Variants in MDGA2 observed in about 807,000 individuals in gnomAD.
MDGA2 encodes MAM domain containing glycosylphosphatidylinositol anchor 2.
MDGA2 carries 40 observed loss-of-function variants against 117.8 expected under a neutral mutation model. The observed-to-expected ratio is 0.34, with a 90% CI of 0.26 to 0.44. MDGA2 has a LOEUF of 0.44. Ranked by LOEUF, MDGA2 falls within the 20% of genes least tolerant of loss-of-function variation. MDGA2 has a pLI of 1.00. For synonymous variants in MDGA2, 452 were observed against 439.0 expected, an observed-to-expected ratio of 1.03 and a Z score of -0.37; for missense variants, 1,123 against 1,250.6, an observed-to-expected ratio of 0.90 and a Z score of 1.54.
intron 1 of MDGA2, among the ~76,000 whole-genome samples, chr14:47,601,965 C>A (rs1265019615): frequency 6.6e-6 from 1 of 152,114 alleles, no homozygotes; most frequent in Non-Finnish European, 1.5e-5. Context: ...TTCCTGGAGT[C>A]GCTATGCACT....
At chr14:47,379,712 AT>A (rs1397849573) in intron 1 of MDGA2, among the ~76,000 whole-genome samples, 1 of 152,180 alleles carries the variant, frequency 6.6e-6, no homozygotes, top group Non-Finnish European at 1.5e-5. Context: ...GAGCACCCAG[AT>A]TCATAAAGCA....
intron 1 of MDGA2, among the ~76,000 whole-genome samples, chr14:47,425,387 A>G (rs892777100): frequency 1.3e-5 from 2 of 152,172 alleles, no homozygotes; most frequent in South Asian, 4.1e-4. Context: ...ACAAACAGTT[A>G]CCTAAATGCA....
chr14:47,252,126 T>A (rs1037722146), intron 2 of MDGA2, among the ~76,000 whole-genome samples: 1 of 152,136 alleles, frequency 6.6e-6, no homozygotes, highest in Non-Finnish European at 1.5e-5. Context: ...GGTCACTTTT[T>A]ACTTTATCAG....
chr14:47,446,815 G>A (rs1893133566), intron 1 of MDGA2, among the ~76,000 whole-genome samples: 1 of 152,036 alleles, frequency 6.6e-6, no homozygotes, highest in African/African-American at 2.4e-5. Flanking sequence ...GGAGATCAGA[G>A]AGCACCCACT....
At chr14:46,936,541 A>G (rs1884788487) in intron 9 of MDGA2, among the ~76,000 whole-genome samples, 1 of 152,068 alleles carries the variant, frequency 6.6e-6, no homozygotes, top group Non-Finnish European at 1.5e-5. Flanking sequence ...TCTCACTTAC[A>G]ATATATTAGA....
At chr14:47,451,673 AC>A (rs1159613321) in intron 1 of MDGA2, among the ~76,000 whole-genome samples, 1 of 152,150 alleles carries the variant, frequency 6.6e-6, no homozygotes, top group African/African-American at 2.4e-5. Flanking sequence ...TTTGTTAACT[AC>A]ATAGGGATAA....
At chr14:46,968,106 C>T (rs764155682) in intron 8 of MDGA2, among the ~76,000 whole-genome samples, 19 of 152,290 alleles carry the variant, frequency 1.2e-4, no homozygotes, top group Admixed American at 5.9e-4. Context: ...CTGTGACCTG[C>T]CCTGGGGCTA....
At chr14:47,497,967 T>A (rs570210728) in intron 1 of MDGA2, among the ~76,000 whole-genome samples, 20 of 152,292 alleles carry the variant, frequency 1.3e-4, no homozygotes, top group Admixed American at 5.2e-4. Flanking sequence ...ATGTCTGAAA[T>A]GTTAACATAA....
chr14:47,642,381 A>G (rs1594958624), intron 1 of MDGA2, among the ~76,000 whole-genome samples: 1 of 152,218 alleles, frequency 6.6e-6, no homozygotes, highest in South Asian at 2.1e-4. Context: ...TTTTAAGACA[A>G]TAAAGTGAGC....
chr14:46,873,506 G>A lies in MDGA2; in HGVS notation c.2679C>T (p.Pro893=). 2 of 1,612,610 alleles carry A rather than the reference G, an allele frequency of 1.2e-6. No individual in the cohort carries two copies. Among genetic ancestry groups the A allele is most frequent in the Non-Finnish European group, 1.7e-6 (2 of 1,179,066 alleles). The change falls in exon 14 of 17, where the codon CCC becomes CCT. Residue 893 remains proline, a synonymous_variant. Transcript: ENST00000399232. ...RLLSPVFSIA[P]KNPYGPTNTA... is the part of the protein sequence containing the mutation. Reference sequence around the variant, plus strand: ...TGTTTGTGGGTCCATAAGGGTTTTTGGGAGCTATGCTGAAAACAGGGCTGA... The same window carrying A: ...TGTTTGTGGGTCCATAAGGGTTTTTAGGAGCTATGCTGAAAACAGGGCTGA...
At chr14:47,644,365 C>A (rs945900340) in intron 1 of MDGA2, among the ~76,000 whole-genome samples, 2 of 152,050 alleles carry the variant, frequency 1.3e-5, no homozygotes, top group African/African-American at 4.8e-5. Context: ...GATATATATA[C>A]AAAATGGAAT....
intron 1 of MDGA2, among the ~76,000 whole-genome samples, chr14:47,461,943 A>G (rs1893495693): frequency 6.6e-6 from 1 of 152,202 alleles, no homozygotes; most frequent in Non-Finnish European, 1.5e-5. Context: ...ATCCCTACAT[A>G]ATTGATTGAG....
At chr14:46,972,430 G>A (rs890290596) in intron 8 of MDGA2, among the ~76,000 whole-genome samples, 4 of 152,138 alleles carry the variant, frequency 2.6e-5, no homozygotes, top group African/African-American at 9.7e-5. Context: ...AAGAAAAAAG[G>A]ATTGAGATGG....
At chr14:46,843,020 T>C (rs1880680456) in intron 16 of MDGA2, among the ~76,000 whole-genome samples, 1 of 152,230 alleles carries the variant, frequency 6.6e-6, no homozygotes, top group Admixed American at 6.5e-5. Context: ...ATTATTTGTG[T>C]TCAATTAAGA....
chr14:46,978,236 T>C (rs569884446), intron 8 of MDGA2, among the ~76,000 whole-genome samples: 2 of 152,098 alleles, frequency 1.3e-5, no homozygotes, highest in South Asian at 2.1e-4. Context: ...TTGTCTATTA[T>C]AACAAAGATA....
At chr14:47,173,256 C>G (rs1226586820) in intron 3 of MDGA2, among the ~76,000 whole-genome samples, 1 of 152,172 alleles carries the variant, frequency 6.6e-6, no homozygotes, top group Non-Finnish European at 1.5e-5. Flanking sequence ...CTTCCCCAAT[C>G]TAGCAAGGCA....
At chr14:47,328,716 A>G (rs1378400298) in intron 1 of MDGA2, among the ~76,000 whole-genome samples, 1 of 152,174 alleles carries the variant, frequency 6.6e-6, no homozygotes, top group Non-Finnish European at 1.5e-5. Context: ...AACAACCTTC[A>G]GAGAAAAAGC....
At chr14:46,957,721 A>G in intron 8 of MDGA2, 78 bp from the exon 9 acceptor site, 1 of 1,499,536 alleles carries the variant, frequency 6.7e-7, no homozygotes, top group Non-Finnish European at 9.1e-7. Flanking sequence ...AGAAGAAGCC[A>G]TTTGCAGTAA....
At chr14:47,049,380 GC>G (rs1482940468) in intron 7 of MDGA2, among the ~76,000 whole-genome samples, 1 of 150,474 alleles carries the variant, frequency 6.6e-6, no homozygotes, top group African/African-American at 2.4e-5. Flanking sequence ...CATAGTATTT[GC>G]ATATAACCTA....
Sources: allele counts gnomAD v4.1 joint callset (sites outside exome capture counted in the v4.1 genomes callset), GRCh38; gene constraint gnomAD v4.1.1; transcripts MANE v1.5; gene names NCBI Gene and HGNC (gene_info 2026-07-23, HGNC 2026-07-21).